Variants in CADM2 observed in about 807,000 individuals in gnomAD.
CADM2 encodes immunoglobulin superfamily member 4D.
CADM2 carries 12 observed loss-of-function variants against 49.8 expected under a neutral mutation model. That is an observed-to-expected ratio of 0.24 (90% confidence interval 0.15 to 0.39). CADM2 has a LOEUF of 0.39. Among genes scored for constraint, CADM2 ranks in the 10% least tolerant of loss-of-function variants. CADM2 has a pLI of 1.00. For synonymous variants in CADM2, 214 were observed against 175.4 expected, an observed-to-expected ratio of 1.22 and a Z score of -1.74; for missense variants, 378 against 492.3, an observed-to-expected ratio of 0.77 and a Z score of 2.20.
intron 1 of CADM2, among the ~76,000 whole-genome samples, chr3:85,096,632 T>C (rs2037808323): frequency 6.6e-6 from 1 of 151,732 alleles, no homozygotes; most frequent in Non-Finnish European, 1.5e-5. Context: ...TGAAAAGTAA[T>C]TGTATACACT....
chr3:85,949,601 A>G lies in CADM2; in HGVS notation c.792-11868A>G, dbSNP rs186442493. ...ATTACATCTAAATGATTTAAAAAAT[A>G]CCTTCAAAACTTTCAGTTTTAAGTT... On this transcript the variant is annotated intron_variant, in intron 7 of 9. Transcript: ENST00000383699. Among the ~76,000 whole-genome samples, 4 of 151,358 alleles carry G rather than the reference A, an allele frequency of 2.6e-5. No homozygotes were observed. In the East Asian group the frequency reaches 7.8e-4, roughly 30 times the overall value.
intron 1 of CADM2, among the ~76,000 whole-genome samples, chr3:85,558,244 T>A (rs556800081): frequency 3.0e-4 from 46 of 152,058 alleles, no homozygotes; most frequent in Non-Finnish European, 6.0e-4. Context: ...GAAATATAAG[T>A]AAATATAACT....
intron 1 of CADM2, among the ~76,000 whole-genome samples, chr3:85,325,843 A>C (rs2044737379): frequency 6.6e-6 from 1 of 152,190 alleles, no homozygotes; most frequent in Non-Finnish European, 1.5e-5. Context: ...TGCCATCATG[A>C]TCCAGGGATT....
At chr3:85,407,312 T>G (rs2035430883) in intron 1 of CADM2, among the ~76,000 whole-genome samples, 1 of 152,166 alleles carries the variant, frequency 6.6e-6, no homozygotes, top group African/African-American at 2.4e-5. Context: ...TCTGTAAAAT[T>G]TGGCACCCTC....
chr3:85,336,153 T>G (rs2045073203), intron 1 of CADM2, among the ~76,000 whole-genome samples: 1 of 151,516 alleles, frequency 6.6e-6, no homozygotes, highest in Non-Finnish European at 1.5e-5. Context: ...CATTTCCTTC[T>G]GCACTATTGT....
At chr3:85,941,978 G>C (rs949561225) in intron 7 of CADM2, among the ~76,000 whole-genome samples, 5 of 152,002 alleles carry the variant, frequency 3.3e-5, no homozygotes, top group African/African-American at 1.2e-4. Context: ...CAATTTTTTA[G>C]GTGAAGAAAA....
At chr3:85,768,430 T>G (rs1335170071) in intron 2 of CADM2, among the ~76,000 whole-genome samples, 1 of 150,460 alleles carries the variant, frequency 6.6e-6, no homozygotes, top group Non-Finnish European at 1.5e-5. Context: ...TGGGCTACAG[T>G]GCGAGACTCC....
At chr3:86,024,684 G>A (rs1296595033) in intron 8 of CADM2, among the ~76,000 whole-genome samples, 1 of 151,948 alleles carries the variant, frequency 6.6e-6, no homozygotes, top group Non-Finnish European at 1.5e-5. Flanking sequence ...TTATCACATT[G>A]TGGGCCTTTG....
At chr3:85,258,830 G>A (rs2042948308) in intron 1 of CADM2, among the ~76,000 whole-genome samples, 1 of 152,028 alleles carries the variant, frequency 6.6e-6, no homozygotes, top group Admixed American at 6.6e-5. Context: ...ATATATATAT[G>A]TGTGCAAACA....
chr3:85,944,024 A>T (rs1282900736), intron 7 of CADM2, among the ~76,000 whole-genome samples: 1 of 152,002 alleles, frequency 6.6e-6, no homozygotes, highest in Non-Finnish European at 1.5e-5. Flanking sequence ...TATTCAGGAA[A>T]CCCATCTCAC....
chr3:85,574,705 T>A (rs2062580438), intron 1 of CADM2, among the ~76,000 whole-genome samples: 1 of 152,226 alleles, frequency 6.6e-6, no homozygotes, highest in Admixed American at 6.5e-5. Flanking sequence ...ATACCCAGTG[T>A]AAAATCCTCT....
intron 1 of CADM2, among the ~76,000 whole-genome samples, chr3:85,098,719 A>C (rs2037899620): frequency 6.6e-6 from 1 of 152,174 alleles, no homozygotes; most frequent in Admixed American, 6.5e-5. Context: ...CAGAAGTCTC[A>C]CAGTTGGTCC....
intron 1 of CADM2, among the ~76,000 whole-genome samples, chr3:85,424,420 C>T (rs776290882): frequency 2.0e-5 from 3 of 151,894 alleles, no homozygotes; most frequent in East Asian, 1.9e-4. Flanking sequence ...AATGTCCCCA[C>T]CTTCCAACTT....
intron 2 of CADM2, among the ~76,000 whole-genome samples, chr3:85,751,839 A>G (rs1476138050): frequency 1.4e-4 from 21 of 152,126 alleles, no homozygotes; most frequent in Non-Finnish European, 2.9e-5. Flanking sequence ...ATCATCTCAA[A>G]TGACCTTTAT....
chr3:85,990,429 A>G (rs1048687615), intron 8 of CADM2, among the ~76,000 whole-genome samples: 1 of 152,172 alleles, frequency 6.6e-6, no homozygotes, highest in African/African-American at 2.4e-5. Context: ...TTTTTAACTT[A>G]CAATGGGATT....
At chr3:85,578,906 G>A (rs963390085) in intron 1 of CADM2, among the ~76,000 whole-genome samples, 24 of 152,190 alleles carry the variant, frequency 1.6e-4, no homozygotes, top group African/African-American at 5.5e-4. Context: ...AAATTGAAAA[G>A]GTGGAGAACT....
intron 8 of CADM2, among the ~76,000 whole-genome samples, chr3:86,008,174 T>C (rs1250371809): frequency 1.3e-5 from 2 of 152,138 alleles, no homozygotes; most frequent in African/African-American, 4.8e-5. Flanking sequence ...TATTGCAAAA[T>C]GTAAAACTGA....
intron 1 of CADM2, among the ~76,000 whole-genome samples, chr3:85,589,482 C>T (rs2063044271): frequency 6.6e-6 from 1 of 151,998 alleles, no homozygotes; most frequent in African/African-American, 2.4e-5. Context: ...CTCCCTGTCT[C>T]AGAATTGTTC....
chr3:85,387,839 A>G (rs1239453221), intron 1 of CADM2, among the ~76,000 whole-genome samples: 1 of 152,214 alleles, frequency 6.6e-6, no homozygotes, highest in Non-Finnish European at 1.5e-5. Context: ...GCCTAGCTAT[A>G]GCACTCAAGT....
Sources: gnomAD v4.1 joint callset for allele counts (sites outside exome capture counted in the v4.1 genomes callset) on GRCh38, gnomAD v4.1.1 for gene constraint, MANE v1.5 for transcripts, NCBI Gene and HGNC (gene_info 2026-07-23, HGNC 2026-07-21) for gene names.